SLC12A6: variants seen among roughly 807,000 people sequenced by gnomAD.
SLC12A6 encodes K-Cl cotransporter 3.
SLC12A6 carries 66 observed loss-of-function variants against 135.3 expected under a neutral mutation model. The ratio of observed to expected loss-of-function variants is 0.49; its 90% confidence interval spans 0.40 to 0.60. The LOEUF is 0.60. Ranked by LOEUF, SLC12A6 falls within the 20% of genes least tolerant of loss-of-function variation. SLC12A6 has a pLI of 0.00. For missense variants in SLC12A6, 1,058 were observed against 1,452.3 expected, an observed-to-expected ratio of 0.73 and a Z score of 4.41; for synonymous variants, 513 against 508.8, an observed-to-expected ratio of 1.01 and a Z score of -0.11.
chr15:34,281,543 G>A (rs766801148), intron 2 of SLC12A6, among the ~76,000 whole-genome samples: 5 of 151,448 alleles, frequency 3.3e-5, no homozygotes, highest in South Asian at 4.1e-4. Context: ...TAATCCTGGC[G>A]CCTTGGGAGG....
rs543542348 is a variant in SLC12A6, at chr15:34,236,469, T to C, written c.3042+239A>G. Among the ~76,000 whole-genome samples the C allele has an allele frequency of 9.9e-5, 15 of 152,248 alleles. No individual in the cohort carries two copies. The South Asian group carries it at 1.7e-3, about 17-fold the overall frequency. The stretch of plus-strand genomic sequence containing the variant: ...TAAGCACTTCTCTGCCTCAGCCTCC[T>C]GAGTAGCTGGGATTACAGGCATGTG... On this transcript the variant is annotated intron_variant, in intron 23 of 25. Coordinates refer to ENST00000354181, the MANE Select transcript of SLC12A6 (RefSeq NM_001365088.1).
At chr15:34,255,507 T>C in intron 7 of SLC12A6, 115 bp from the exon 8 acceptor site, 1 of 777,002 alleles carries the variant, frequency 1.3e-6, no homozygotes, top group South Asian at 1.5e-5. Context: ...TTCAGGCTTC[T>C]GCAAACCCTC....
chr15:34,238,178 G>T, intron 21 of SLC12A6, 54 bp downstream of exon 21: 1 of 1,255,842 alleles, frequency 8.0e-7, no homozygotes, highest in Non-Finnish European at 1.2e-6. Context: ...TCTGTCCTGT[G>T]AACCAGGACA....
chr15:34,259,622 G>A (rs1015038274), intron 4 of SLC12A6, among the ~76,000 whole-genome samples: 2 of 152,228 alleles, frequency 1.3e-5, no homozygotes, highest in Non-Finnish European at 2.9e-5. Flanking sequence ...CTGGGTGACA[G>A]AGCAAGACCC....
intron 3 of SLC12A6, among the ~76,000 whole-genome samples, chr15:34,272,589 A>C (rs1894039076): frequency 1.3e-5 from 2 of 152,252 alleles, no homozygotes; most frequent in South Asian, 4.1e-4. Flanking sequence ...GGTTGGCTAA[A>C]AATTGAATGC....
At chr15:34,276,930 T>C (rs1303205000) in intron 2 of SLC12A6, among the ~76,000 whole-genome samples, 2 of 152,196 alleles carry the variant, frequency 1.3e-5, no homozygotes, top group South Asian at 2.1e-4. Flanking sequence ...TATATTTTAA[T>C]TAAGGAAGTC....
intron 13 of SLC12A6, among the ~76,000 whole-genome samples, chr15:34,247,101 T>C (rs930281716): frequency 2.6e-5 from 4 of 152,182 alleles, no homozygotes; most frequent in Admixed American, 2.6e-4. Flanking sequence ...TTGTGGCACA[T>C]GCACACTCCA....
intron 2 of SLC12A6, among the ~76,000 whole-genome samples, chr15:34,294,285 T>C (rs1895734329): frequency 6.6e-6 from 1 of 152,088 alleles, no homozygotes. Context: ...CAGGCTGGAG[T>C]GCAGTGGTGT....
intron 1 of SLC12A6, 183 bp from the exon 2 acceptor site, chr15:34,336,935 A>C: frequency 1.9e-6 from 1 of 527,448 alleles, no homozygotes; most frequent in Non-Finnish European, 3.4e-6. Flanking sequence ...AAGACAAAAC[A>C]ATGCCAATCT....
chr15:34,294,995 A>T (rs1895785448), intron 2 of SLC12A6, among the ~76,000 whole-genome samples: 1 of 152,262 alleles, frequency 6.6e-6, no homozygotes, highest in Admixed American at 6.5e-5. Context: ...TGTCATGAAT[A>T]ATTTTGGGAC....
intron 2 of SLC12A6, among the ~76,000 whole-genome samples, chr15:34,314,465 G>A (rs769909582): frequency 5.3e-5 from 8 of 152,172 alleles, no homozygotes; most frequent in Non-Finnish European, 1.2e-4. Flanking sequence ...CGATGGAGAT[G>A]TACAAAGAGA....
chr15:34,233,229 A>T lies in SLC12A6; in HGVS notation c.*652T>A, dbSNP rs1455348057. ...GAATGGGTTTTGAGTTAAGAGAAAC[A>T]AAACAGTTGAAGTATACACTGACAC... On this transcript the variant is annotated 3_prime_UTR_variant, in exon 26 of 26. Coordinates refer to ENST00000354181, the MANE Select transcript of SLC12A6 (RefSeq NM_001365088.1). The T allele has an allele frequency of 1.3e-5, 2 of 152,464 alleles. No individual in the cohort carries two copies. Among genetic ancestry groups the T allele is most frequent in the Non-Finnish European group, 2.9e-5 (2 of 68,228 alleles). The allele number at this position is 152,464 out of a possible 1,614,324, so 9.4% of individuals were successfully genotyped here. A position where few individuals can be genotyped will look rare whatever the true frequency, so the allele number is the denominator to read the frequency against.
At chr15:34,259,814 A>G (rs1892990381) in intron 4 of SLC12A6, among the ~76,000 whole-genome samples, 1 of 152,222 alleles carries the variant, frequency 6.6e-6, no homozygotes, top group Admixed American at 6.5e-5. Flanking sequence ...AGTCCTCTTC[A>G]TTATGTTAAG....
chr15:34,294,439 T>G (rs755129027), intron 2 of SLC12A6, among the ~76,000 whole-genome samples: 6 of 152,164 alleles, frequency 3.9e-5, no homozygotes, highest in Non-Finnish European at 8.8e-5. Context: ...GTATTCTTAG[T>G]AGAGAGGGGG....
rs201251320 is a variant in SLC12A6 at position 34,312,596 on chromosome 15, A to C, written c.271+23814T>G. On this transcript the variant is annotated intron_variant, in intron 2 of 25. Coordinates refer to ENST00000354181, the MANE Select transcript of SLC12A6 (RefSeq NM_001365088.1). ...GAAAACAGTCAAGAAAGACGTAAGG[A>C]AAGTCCGAGTTTCTGCTTTTCCCTT... 2.5e-4 allele frequency among the ~76,000 whole-genome samples: 38 copies of C among 152,328 alleles called. No individual in the cohort carries two copies. The East Asian group carries it at 6.5e-3, about 26-fold the overall frequency.
rs574774649 is a variant in SLC12A6, at chr15:34,258,026, A to ATT, written c.544-240_544-239dup. Among the ~76,000 whole-genome samples, 1,815 of 152,258 alleles carry ATT rather than the reference A, an allele frequency of 0.012. 15 individuals are homozygous for ATT. The highest frequency in any genetic ancestry group is 0.037 in the Middle Eastern group (11 of 294). On this transcript the variant is annotated intron_variant, in intron 5 of 25. Coordinates refer to ENST00000354181, the MANE Select transcript of SLC12A6 (RefSeq NM_001365088.1). ...TTTACAAAGGTTCCTGCATGTGTTT[A>ATT]TTATACATAGGCATTTGGCCACAAA...
intron 2 of SLC12A6, chr15:34,318,423 T>C (rs963297695): frequency 2.5e-5 from 19 of 756,960 alleles, no homozygotes; most frequent in South Asian, 1.7e-4. Context: ...CACAGGGGAG[T>C]GAAATAAGTA....
chr15:34,332,448 C>T (rs1889912733), intron 2 of SLC12A6, among the ~76,000 whole-genome samples: 1 of 152,156 alleles, frequency 6.6e-6, no homozygotes, highest in Admixed American at 6.5e-5. Context: ...TACATACCAG[C>T]GTCTCAGGGA....
chr15:34,268,385 T>C (rs1893670577), intron 3 of SLC12A6, among the ~76,000 whole-genome samples: 1 of 152,220 alleles, frequency 6.6e-6, no homozygotes, highest in African/African-American at 2.4e-5. Context: ...GTCCTACTCA[T>C]GGTCTACTTG....
Sources: gnomAD v4.1 joint callset for allele counts (sites outside exome capture counted in the v4.1 genomes callset) on GRCh38, gnomAD v4.1.1 for gene constraint, MANE v1.5 for transcripts, NCBI Gene and HGNC (gene_info 2026-07-23, HGNC 2026-07-21) for gene names.